Variants in GRM7 observed in about 807,000 individuals in gnomAD.
GRM7 encodes glutamate metabotropic receptor 7.
Under a neutral mutation model 84.5 loss-of-function variants are expected in GRM7, and 35 were observed. The ratio of observed to expected loss-of-function variants is 0.41; its 90% CI spans 0.32 to 0.55. The LOEUF is 0.55. Ranked by LOEUF, GRM7 falls within the 20% of genes least tolerant of loss-of-function variation. GRM7 has a pLI of 0.19. For missense variants in GRM7, 1,003 were observed against 1,194.6 expected (o/e 0.84, Z 2.36); for synonymous variants, 487 against 455.1 (o/e 1.07, Z -0.89).
intron 4 of GRM7, among the ~76,000 whole-genome samples, chr3:7,329,200 C>A (rs2125063623): frequency 6.6e-6 from 1 of 152,248 alleles, no homozygotes; most frequent in Admixed American, 6.5e-5. Context: ...CAAATTTTCT[C>A]CTAAACCTTG....
chr3:7,416,862 C>T (rs568970127), intron 5 of GRM7, among the ~76,000 whole-genome samples: 20 of 152,192 alleles, frequency 1.3e-4, no homozygotes, highest in African/African-American at 4.8e-4. Context: ...GATAATTTGT[C>T]TCTATGACAG....
intron 1 of GRM7, among the ~76,000 whole-genome samples, chr3:7,047,978 A>G (rs1185506722): frequency 6.6e-6 from 1 of 152,044 alleles, no homozygotes; most frequent in Admixed American, 6.6e-5. Flanking sequence ...AGGTATTGAC[A>G]ATGTGAAGAT....
chr3:7,518,034 G>T (rs1012318488), intron 7 of GRM7, among the ~76,000 whole-genome samples: 10 of 152,172 alleles, frequency 6.6e-5, no homozygotes, highest in Non-Finnish European at 1.2e-4. Context: ...GCAGTCAGCT[G>T]AGATTCCACT....
At chr3:7,604,289 A>G (rs943825728) in intron 8 of GRM7, among the ~76,000 whole-genome samples, 5 of 152,186 alleles carry the variant, frequency 3.3e-5, no homozygotes, top group Non-Finnish European at 1.5e-5. Context: ...GATTATTTAC[A>G]TAGGTGGAAC....
Position 7,373,878 on chromosome 3 carries a change from C to T in GRM7, c.1034-41145C>T, listed in dbSNP as rs116692741. Among the ~76,000 whole-genome samples, 404 of 152,246 alleles carry T rather than the reference C, an allele frequency of 2.7e-3. 1 individual carries two copies. Among genetic ancestry groups the T allele is most frequent in the African/African-American group, 8.9e-3 (369 of 41,538 alleles). On this transcript the variant is annotated intron_variant, in intron 4 of 9. Transcript: ENST00000357716. Reference sequence around the variant, plus strand: ...TGTAGCTATCAAACCTTGGAAATGTCGCTTGTATGATAGAGGAACTGCATT... The same window carrying T: ...TGTAGCTATCAAACCTTGGAAATGTTGCTTGTATGATAGAGGAACTGCATT...
At chr3:7,713,166 T>A (rs945454641) in intron 9 of GRM7, among the ~76,000 whole-genome samples, 5 of 148,432 alleles carry the variant, frequency 3.4e-5, no homozygotes, top group Admixed American at 2.7e-4. Flanking sequence ...ACAATCTTGC[T>A]TTGTCACCCA....
chr3:7,479,790 C>A (rs1014339356), intron 7 of GRM7, among the ~76,000 whole-genome samples: 1 of 152,120 alleles, frequency 6.6e-6, no homozygotes, highest in African/African-American at 2.4e-5. Flanking sequence ...GGTGAATAAA[C>A]CCAGTTTGTC....
Position 7,680,134 on chromosome 3 carries a change from A to G in GRM7, c.2537A>G (p.Tyr846Cys). 3 of 1,614,070 alleles carry G rather than the reference A, an allele frequency of 1.9e-6. No individual in the cohort carries two copies. Among genetic ancestry groups the G allele is most frequent in the Non-Finnish European group, 2.5e-6 (3 of 1,179,930 alleles). The stretch of plus-strand genomic sequence containing the variant: ...GGGATGCTATACATGCCGAAAGTGT[A>G]CATCATCATTTTCCACCCTGAACTC... The part of the protein sequence containing the change: ...ALGMLYMPKV[Y>C]IIIFHPELNV... Residue 846 changes from tyrosine to cysteine, a missense_variant, in exon 9 of 10, where the codon TAC (tyrosine) becomes TGC (cysteine). Around this residue, in one of 2 missense-constraint regions of GRM7, gnomAD observed 910 missense variants for 1,126.0 expected, o/e 0.81. Transcript: ENST00000357716.
At chr3:7,196,486 G>C (rs929852834) in intron 2 of GRM7, among the ~76,000 whole-genome samples, 2 of 152,090 alleles carry the variant, frequency 1.3e-5, no homozygotes, top group Admixed American at 6.6e-5. Flanking sequence ...CCACTTACCT[G>C]CTTCAAAGAC....
chr3:7,544,913 A>G (rs1693069088), intron 7 of GRM7, among the ~76,000 whole-genome samples: 1 of 152,216 alleles, frequency 6.6e-6, no homozygotes, highest in Non-Finnish European at 1.5e-5. Context: ...CTCTAAAATC[A>G]ATTTTTGCCC....
rs138663687 is a variant in GRM7 at position 7,637,444 on chromosome 3, G to C, written c.2452-42605G>C. 2.9e-3 allele frequency among the ~76,000 whole-genome samples: 448 copies of C among 152,306 alleles called. 2 individuals carry two copies. The highest frequency in any genetic ancestry group is 0.01 in the African/African-American group (432 of 41,556). On this transcript the variant is annotated intron_variant, in intron 8 of 9. Transcript: ENST00000357716. ...TGATGTTTTTGTTGTTGTCATTCAGGACGGATCGCAATCCTGAGATGCCAG... is the reference window on the plus strand; with the variant it reads ...TGATGTTTTTGTTGTTGTCATTCAGCACGGATCGCAATCCTGAGATGCCAG...
chr3:7,651,599 C>T (rs1698941791), intron 8 of GRM7, among the ~76,000 whole-genome samples: 8 of 152,166 alleles, frequency 5.3e-5, no homozygotes, highest in Admixed American at 4.6e-4. Flanking sequence ...AATCCTCAGT[C>T]CTGGCTCTGT....
At chr3:7,210,702 C>A (rs541869658) in intron 2 of GRM7, among the ~76,000 whole-genome samples, 5 of 152,050 alleles carry the variant, frequency 3.3e-5, no homozygotes, top group Admixed American at 6.5e-5. Flanking sequence ...CCAAGAAAGC[C>A]TCTGTGACTA....
intron 8 of GRM7, among the ~76,000 whole-genome samples, chr3:7,658,471 CTCATGCAA>C (rs1559469811): frequency 6.6e-6 from 1 of 152,148 alleles, no homozygotes; most frequent in Admixed American, 6.5e-5. Flanking sequence ...ATCTTTCCCA[CTCATGCAA>C]TCTCTGACAT....
chr3:7,567,984 G>A (rs961441300), intron 7 of GRM7, among the ~76,000 whole-genome samples: 1 of 152,048 alleles, frequency 6.6e-6, no homozygotes, highest in Non-Finnish European at 1.5e-5. Flanking sequence ...ACTCAGGAAC[G>A]TATGTCAATA....
intron 2 of GRM7, among the ~76,000 whole-genome samples, chr3:7,216,861 T>C (rs1575043501): frequency 6.6e-6 from 1 of 152,290 alleles, no homozygotes; most frequent in East Asian, 1.9e-4. Flanking sequence ...TACATTAAAT[T>C]CTGCTATGTC....
chr3:7,492,037 G>A (rs771884680), intron 7 of GRM7, among the ~76,000 whole-genome samples: 11 of 152,122 alleles, frequency 7.2e-5, no homozygotes, highest in Non-Finnish European at 1.3e-4. Flanking sequence ...TGCTGAACCA[G>A]CCTTGCATAC....
intron 4 of GRM7, among the ~76,000 whole-genome samples, chr3:7,387,131 G>T (rs1281225638): frequency 6.6e-6 from 1 of 151,914 alleles, no homozygotes; most frequent in Non-Finnish European, 1.5e-5. Flanking sequence ...ACCATTTAAT[G>T]GTTATTTGTT....
intron 1 of GRM7, among the ~76,000 whole-genome samples, chr3:6,880,598 T>C (rs1312192050): frequency 2.0e-5 from 3 of 152,162 alleles, no homozygotes; most frequent in Non-Finnish European, 4.4e-5. Context: ...CACCAAATTT[T>C]CACAAATTTT....
Sources: gnomAD v4.1 joint callset for allele counts (sites outside exome capture counted in the v4.1 genomes callset) on GRCh38, gnomAD v4.1.1 for gene constraint, gnomAD v4.1.1 regional missense constraint, MANE v1.5 for transcripts, NCBI Gene and HGNC (gene_info 2026-07-23, HGNC 2026-07-21) for gene names.